GSAP: variants seen among roughly 807,000 people sequenced by gnomAD.
GSAP encodes gamma-secretase-activating protein.
In GSAP, 118 loss-of-function variants were observed where a neutral mutation model predicts 131.7. That is an observed-to-expected ratio of 0.90 (90% CI 0.77 to 1.04). GSAP has a LOEUF of 1.04. Ranked by LOEUF, GSAP falls within the 50% of genes least tolerant of loss-of-function variation. The pLI is 0.00. For missense variants in GSAP, 1,019 were observed against 1,013.2 expected (o/e 1.01, Z -0.08); for synonymous variants, 381 against 363.4 (o/e 1.05, Z -0.55).
intron 14 of GSAP, among the ~76,000 whole-genome samples, chr7:77,357,606 C>T (rs568680849): frequency 6.6e-6 from 1 of 152,278 alleles, no homozygotes; most frequent in East Asian, 1.9e-4. Flanking sequence ...ACATAACATA[C>T]ACTAATAACA....
chr7:77,346,270 CAAAAA>C (rs1223497863), intron 19 of GSAP, among the ~76,000 whole-genome samples: 1 of 40,884 alleles, frequency 2.4e-5, no homozygotes, highest in African/African-American at 9.9e-5. Context: ...GACTCCATCT[CAAAAA>C]AAAAAAAAAA....
Position 77,311,877 on chromosome 7 carries a change from T to C in GSAP, c.2437A>G (p.Ile813Val). ...SVEFLPLNYF[I>V]EILTDIESSN... The stretch of plus-strand genomic sequence containing the variant: ...GACTCTATATCTGTCAGAATTTCAA[T>C]GAAGTAGTTCAGAGGCAGAAATTCT... The change falls in exon 30 of 31, where the codon ATT becomes GTT. Residue 813 changes from isoleucine to valine, a missense_variant. Transcript: ENST00000257626. The C allele has an allele frequency of 6.3e-7, 1 of 1,593,510 alleles. No homozygotes were observed. The highest frequency in any genetic ancestry group is 8.6e-7 in the Non-Finnish European group (1 of 1,161,250).
intron 18 of GSAP, chr7:77,351,048 G>A (rs1792793840): frequency 1.3e-6 from 1 of 770,784 alleles, no homozygotes; most frequent in Non-Finnish European, 1.6e-6. Context: ...ATTGATATTT[G>A]TCTATAATTT....
At chr7:77,318,913 T>C (rs56068720) in intron 26 of GSAP, among the ~76,000 whole-genome samples, 13,347 of 91,702 alleles carry the variant, frequency 0.15, 734 homozygotes, top group Middle Eastern at 0.24. Flanking sequence ...CCTGGGCCTG[T>C]TGTGGGGTGG....
intron 14 of GSAP, among the ~76,000 whole-genome samples, chr7:77,359,804 T>C (rs2150905461): frequency 6.6e-6 from 1 of 152,322 alleles, no homozygotes; most frequent in East Asian, 1.9e-4. Flanking sequence ...GTTTTCATAG[T>C]GGAAAGTTTC....
intron 2 of GSAP, among the ~76,000 whole-genome samples, chr7:77,405,828 C>T (rs1161242105): frequency 6.6e-6 from 1 of 152,186 alleles, no homozygotes; most frequent in South Asian, 2.1e-4. Flanking sequence ...TGTGAGCCAC[C>T]ATGCCCAGCC....
chr7:77,389,260 AT>A (rs1191327234), intron 5 of GSAP, among the ~76,000 whole-genome samples: 3 of 150,406 alleles, frequency 2.0e-5, no homozygotes, highest in South Asian at 2.1e-4. Flanking sequence ...ATATATATAT[AT>A]TTTTTTGACC....
At chr7:77,328,964 GAA>G (rs1398866352) in intron 21 of GSAP, among the ~76,000 whole-genome samples, 2 of 150,754 alleles carry the variant, frequency 1.3e-5, no homozygotes, top group East Asian at 3.9e-4. Context: ...CATATATCCA[GAA>G]AATAGGCTTT....
chr7:77,371,157 T>C (rs1463108411), intron 12 of GSAP, among the ~76,000 whole-genome samples: 1 of 152,056 alleles, frequency 6.6e-6, no homozygotes, highest in Non-Finnish European at 1.5e-5. Context: ...AAAACAAAAC[T>C]CACAATCTTC....
intron 10 of GSAP, among the ~76,000 whole-genome samples, 164 bp downstream of exon 10, chr7:77,376,684 G>T (rs1272283078): frequency 6.6e-6 from 1 of 151,198 alleles, no homozygotes; most frequent in African/African-American, 2.4e-5. Flanking sequence ...GGCTGAGGCA[G>T]GAGAATGGCG....
At chr7:77,414,111 A>G (rs1803834587) in intron 1 of GSAP, among the ~76,000 whole-genome samples, 1 of 152,228 alleles carries the variant, frequency 6.6e-6, no homozygotes, top group South Asian at 2.1e-4. Context: ...GGAATATATC[A>G]TACATATCTC....
intron 5 of GSAP, 101 bp downstream of exon 5, chr7:77,396,881 G>A: frequency 1.5e-6 from 1 of 649,934 alleles, no homozygotes. Context: ...ATACGATAAG[G>A]CTATTTCTAA....
At chr7:77,319,099 CAA>C (rs1787254511) in intron 26 of GSAP, among the ~76,000 whole-genome samples, 1 of 151,940 alleles carries the variant, frequency 6.6e-6, no homozygotes, top group African/African-American at 2.4e-5. Context: ...GGAAACGATC[CAA>C]AGAGTAAAGG....
intron 3 of GSAP, among the ~76,000 whole-genome samples, chr7:77,401,333 A>G (rs895131599): frequency 2.0e-5 from 3 of 152,118 alleles, no homozygotes; most frequent in Non-Finnish European, 2.9e-5. Flanking sequence ...AAAGAAAAAA[A>G]TTTTTTCAAA....
At chr7:77,398,001 G>A (rs1349983510) in intron 3 of GSAP, among the ~76,000 whole-genome samples, 3 of 151,970 alleles carry the variant, frequency 2.0e-5, no homozygotes, top group Non-Finnish European at 4.4e-5. Flanking sequence ...CCTTGTTGTT[G>A]TTTAAAATGT....
intron 19 of GSAP, among the ~76,000 whole-genome samples, chr7:77,333,139 C>T (rs539024737): frequency 3.3e-5 from 5 of 152,058 alleles, no homozygotes; most frequent in East Asian, 3.9e-4. Flanking sequence ...TGCACTCCAG[C>T]GTGGCGACAG....
At chr7:77,412,968 T>G (rs1031426757) in intron 1 of GSAP, among the ~76,000 whole-genome samples, 7 of 152,004 alleles carry the variant, frequency 4.6e-5, no homozygotes, top group African/African-American at 1.7e-4. Context: ...AGACGTACAT[T>G]CTAGAGAAAC....
intron 8 of GSAP, among the ~76,000 whole-genome samples, 181 bp downstream of exon 8, chr7:77,381,124 G>C (rs2151033530): frequency 6.6e-6 from 1 of 152,056 alleles, no homozygotes; most frequent in Admixed American, 6.6e-5. Context: ...GAGAAAAAGG[G>C]GATAATTAAC....
chr7:77,406,278 T>C (rs928146506), intron 1 of GSAP, among the ~76,000 whole-genome samples, 173 bp from the exon 2 acceptor site: 5 of 152,178 alleles, frequency 3.3e-5, no homozygotes, highest in African/African-American at 1.2e-4. Context: ...TAGTAACCTT[T>C]AAGGAAGGAG....
Sources: allele counts gnomAD v4.1 joint callset (sites outside exome capture counted in the v4.1 genomes callset), GRCh38; gene constraint gnomAD v4.1.1; transcripts MANE v1.5; gene names NCBI Gene and HGNC (gene_info 2026-07-23, HGNC 2026-07-21).